SCN1A: variants seen among roughly 807,000 people sequenced by gnomAD.
The protein encoded by SCN1A is sodium voltage-gated channel alpha subunit 1, also known as sodium channel protein type 1 subunit alpha.
A neutral mutation model predicts 193.7 loss-of-function variants in SCN1A; 13 were observed. The observed-to-expected ratio is 0.07, with a 90% CI of 0.04 to 0.11. The LOEUF is 0.11. Ranked by LOEUF, SCN1A falls within the 10% of genes least tolerant of loss-of-function variation. The probability of loss-of-function intolerance (pLI) is 1.00; values close to 1 mark genes in which losing one functional copy is unlikely to be tolerated. For synonymous variants in SCN1A, 781 were observed against 843.6 expected (o/e 0.93, Z 1.29); for missense variants, 1,432 against 2,451.1 (o/e 0.58, Z 8.78).
chr2:166,132,291 C>G (rs680450), upstream of SCN1A, among the ~76,000 whole-genome samples: 81,873 of 151,814 alleles, frequency 0.54, 22,766 homozygotes, highest in East Asian at 0.65. Context: ...TTGGAATAAT[C>G]AGATAAAGCA....
chr2:166,009,414 A>T (rs1479082924), intron 23 of SCN1A: 1 of 220,336 alleles, frequency 4.5e-6, no homozygotes, highest in East Asian at 1.1e-4. Context: ...ATATCATTAC[A>T]CATAGTACTT....
chr2:166,096,179 A>G (rs1687354318), intron 2 of SCN1A, among the ~76,000 whole-genome samples: 1 of 152,212 alleles, frequency 6.6e-6, no homozygotes, highest in South Asian at 2.1e-4. Context: ...TTGAGAGTCA[A>G]TGTCTATTGT....
chr2:166,140,356 T>C (rs1309998937), intron 1 of SCN1A, among the ~76,000 whole-genome samples: 2 of 152,076 alleles, frequency 1.3e-5, no homozygotes, highest in African/African-American at 4.8e-5. Context: ...AAGGACATAA[T>C]GGGGGAGAGA....
chr2:166,109,106 T>A (rs757933242), intron 2 of SCN1A, among the ~76,000 whole-genome samples: 11 of 152,122 alleles, frequency 7.2e-5, no homozygotes, highest in Non-Finnish European at 1.6e-4. Flanking sequence ...AATAAATACA[T>A]CTTTTAGTAA....
chr2:166,124,441 G>C (rs1266215866), intron 2 of SCN1A, among the ~76,000 whole-genome samples: 1 of 151,950 alleles, frequency 6.6e-6, no homozygotes, highest in Non-Finnish European at 1.5e-5. Context: ...CAGCTACTGG[G>C]GAGGCTGAGG....
chr2:166,029,232 G>C (rs144647450), intron 19 of SCN1A, among the ~76,000 whole-genome samples: 1 of 152,100 alleles, frequency 6.6e-6, no homozygotes, highest in South Asian at 2.1e-4. Context: ...AAAGGTTAGG[G>C]AGGACAGAAC....
At chr2:166,089,345 G>A (rs920935300) in intron 2 of SCN1A, among the ~76,000 whole-genome samples, 3 of 152,086 alleles carry the variant, frequency 2.0e-5, no homozygotes, top group Non-Finnish European at 4.4e-5. Context: ...TATGAAGAAA[G>A]TCTTCTCTGC....
chr2:166,147,454 C>T (rs1692368757), intron 1 of SCN1A, among the ~76,000 whole-genome samples: 1 of 152,020 alleles, frequency 6.6e-6, no homozygotes, highest in African/African-American at 2.4e-5. Flanking sequence ...TCCCTTTTAG[C>T]AATAGCCAAA....
At chr2:166,072,562 C>A (rs1684537245) in intron 4 of SCN1A, among the ~76,000 whole-genome samples, 1 of 152,046 alleles carries the variant, frequency 6.6e-6, no homozygotes, top group Non-Finnish European at 1.5e-5. Context: ...AAAATTTCTT[C>A]AGGAAATTAA....
intron 26 of SCN1A, among the ~76,000 whole-genome samples, chr2:165,997,485 C>A (rs1360495115): frequency 1.3e-5 from 2 of 150,968 alleles, no homozygotes; most frequent in African/African-American, 4.9e-5. Context: ...ATCAAATGAG[C>A]CTTATAAATG....
intron 2 of SCN1A, among the ~76,000 whole-genome samples, chr2:166,094,104 T>C (rs947741347): frequency 2.0e-5 from 3 of 152,016 alleles, no homozygotes; most frequent in African/African-American, 4.8e-5. Context: ...CTTGGACAAA[T>C]ACCAAGTTGG....
intron 1 of SCN1A, among the ~76,000 whole-genome samples, chr2:166,142,439 G>C (rs1222004699): frequency 6.6e-6 from 1 of 152,144 alleles, no homozygotes; most frequent in Non-Finnish European, 1.5e-5. Context: ...GGTAAATCTG[G>C]AGGCCAAACC....
chr2:166,018,160 A>T (rs1487469098), intron 19 of SCN1A, among the ~76,000 whole-genome samples: 3 of 152,034 alleles, frequency 2.0e-5, no homozygotes, highest in Non-Finnish European at 4.4e-5. Context: ...CACTGATAAT[A>T]AAGTATTGCC....
intron 2 of SCN1A, among the ~76,000 whole-genome samples, chr2:166,098,980 T>C (rs1687717856): frequency 6.6e-6 from 1 of 152,178 alleles, no homozygotes; most frequent in Non-Finnish European, 1.5e-5. Context: ...AAACTACCAA[T>C]GTCATTTTTC....
At chr2:166,065,872 A>T (rs10202285) in intron 4 of SCN1A, among the ~76,000 whole-genome samples, 74,265 of 152,004 alleles carry the variant, frequency 0.49, 19,678 homozygotes, top group East Asian at 0.74. Context: ...TAATTTTATG[A>T]GTGTGTGAAA....
In SCN1A at chr2:166,123,223, CAAAAAAAAAAAAAAAAAAAA is replaced by C. The variant is rs57488795; in HGVS notation, c.-142+3681_-142+3700del. On this transcript the variant is annotated intron_variant, in intron 2 of 28. Coordinates refer to ENST00000674923, the MANE Select transcript of SCN1A (RefSeq NM_001165963.4). ...AATCACATTCCTACTCATTCATTTG[CAAAAAAAAAAAAAAAAAAAA>C]AAAAAAAAAAAAAAAAAAAGATTTG... 1.0e-4 allele frequency among the ~76,000 whole-genome samples: 12 copies of C among 116,396 alleles called. 1 individual carries two copies. Among genetic ancestry groups the C allele is most frequent in the Admixed American group, 2.9e-4 (3 of 10,428 alleles). 76.4% of individuals were successfully genotyped at this position (116,396 alleles called of 152,430 possible). A position where few individuals can be genotyped will look rare whatever the true frequency, so the allele number is the denominator to read the frequency against.
rs1053571167 is a variant in SCN1A at position 165,990,996 on chromosome 2, CATCTT to C, written c.*244_*248del. 1 of 485,430 alleles carries C rather than the reference CATCTT, an allele frequency of 2.1e-6. No homozygotes were observed. Among genetic ancestry groups the C allele is most frequent in the African/African-American group, 1.9e-5 (1 of 51,524 alleles). 30.1% of individuals were successfully genotyped at this position (485,430 alleles called of 1,614,324 possible). On this transcript the variant is annotated 3_prime_UTR_variant, in exon 29 of 29. Coordinates refer to ENST00000674923, the MANE Select transcript of SCN1A (RefSeq NM_001165963.4). ...CCCTACAGTCTGACTAGCCATTGTG[CATCTT>C]ATCTTCAGCAGTGTCAGCTGGTAGT...
chr2:166,009,486 G>T, intron 23 of SCN1A: 1 of 302,738 alleles, frequency 3.3e-6, no homozygotes, highest in Non-Finnish European at 6.2e-6. Context: ...GATGGATTAG[G>T]AAATAAAGTC....
intron 2 of SCN1A, among the ~76,000 whole-genome samples, chr2:166,117,202 A>G (rs572298045): frequency 3.3e-5 from 5 of 152,334 alleles, no homozygotes; most frequent in East Asian, 1.9e-4. Flanking sequence ...TCAAATAAAA[A>G]TAGTATTCTA....
Sources: gnomAD v4.1 joint callset for allele counts (sites outside exome capture counted in the v4.1 genomes callset) on GRCh38, gnomAD v4.1.1 for gene constraint, MANE v1.5 for transcripts, NCBI Gene and HGNC (gene_info 2026-07-23, HGNC 2026-07-21) for gene names.